DYNLT4: variants seen among roughly 807,000 people sequenced by gnomAD.
The protein encoded by DYNLT4 is Tctex1 domain containing 4.
DYNLT4 carries 3 observed loss-of-function variants against 1.5 expected under a neutral mutation model. The ratio of observed to expected loss-of-function variants is 1.97; its 90% CI spans 0.90 to 5.08. The LOEUF (loss-of-function observed/expected upper bound fraction) is 5.08, where lower values mean the gene tolerates loss of function less well. DYNLT4 is among the 30% of genes most tolerant of loss of function. The pLI, the probability that DYNLT4 is intolerant of heterozygous loss-of-function variation, is 0.02. For synonymous variants in DYNLT4, 181 were observed against 160.0 expected (o/e 1.13, Z -0.99); for missense variants, 346 against 341.0 (o/e 1.01, Z -0.12).
chr1:44,807,122 C>A (rs1177033111), intron 1 of DYNLT4: 2 of 985,266 alleles, frequency 2.0e-6, no homozygotes, highest in African/African-American at 3.5e-5. Context: ...TCCTTCCAGC[C>A]CTGGGGGTGT....
intron 1 of DYNLT4, 152 bp from the exon 2 acceptor site, chr1:44,806,990 C>T: frequency 1.0e-6 from 1 of 985,398 alleles, no homozygotes; most frequent in Non-Finnish European, 1.2e-6. Flanking sequence ...TGCCATTTCT[C>T]CCTTCCACCC....
rs1225645477 is a variant in DYNLT4 at position 44,805,998 on chromosome 1, C to T, written c.*5G>A. 1.3e-6 allele frequency: 2 copies of T among 1,535,332 alleles called. No individual in the cohort carries two copies. Among genetic ancestry groups the T allele is most frequent in the Non-Finnish European group, 1.8e-6 (2 of 1,139,024 alleles). ...ATAAACAATTTTGCAGAATTGGACT[C>T]CCCCTCACTCGCAGTAGAGCCCGTG... On this transcript the variant is annotated 3_prime_UTR_variant, in exon 3 of 3. Coordinates refer to ENST00000339355, the MANE Select transcript of DYNLT4 (RefSeq NM_001377534.1).
In DYNLT4 at chr1:44,806,357, CA is replaced by C; in HGVS notation, c.311del (p.Val104GlyfsTer154). The C allele has an allele frequency of 6.6e-7, 1 of 1,520,278 alleles. No homozygotes were observed. Among genetic ancestry groups the C allele is most frequent in the South Asian group, 1.2e-5 (1 of 82,266 alleles). 94.2% of individuals were successfully genotyped at this position (1,520,278 alleles called of 1,614,324 possible). A position where few individuals can be genotyped will look rare whatever the true frequency, so the allele number is the denominator to read the frequency against. On this transcript the variant is annotated frameshift_variant, in exon 3 of 3. Coordinates refer to ENST00000339355, the MANE Select transcript of DYNLT4 (RefSeq NM_001377534.1). LOFTEE classifies it low-confidence loss of function (END_TRUNC). ...CTGGCTCCGTGCGGTAGGAGGGCGC[CA>C]CCCAACGGGCGGGCGCCAGGGGCAA... ...SGLPLAPARW[V>X]APSYRTEPVP...
rs17885815 is a variant in DYNLT4, at chr1:44,806,156, T to C, written c.513A>G (p.Val171=). The C allele has an allele frequency of 0.17, 263,401 of 1,585,702 alleles. 22,211 individuals carry two copies. Among genetic ancestry groups the C allele is most frequent in the East Asian group, 0.19 (8,498 of 43,786 alleles). The change falls in exon 3 of 3, where the codon GTA becomes GTG. Residue 171 remains valine (V), a synonymous_variant. Coordinates refer to ENST00000339355, the MANE Select transcript of DYNLT4 (RefSeq NM_001377534.1). ...CGCGCGGCCCCAGCACCACACTGCA[T>C]ACCAGCTTGTAGCGTGGCGGGCTGA... ...RELSPPRYKL[V]CSVVLGPRAG...
chr1:44,806,194 G>GA lies in DYNLT4; in HGVS notation c.474dup (p.Arg159SerfsTer77), dbSNP rs767046797. 10 of 1,548,714 alleles carry GA rather than the reference G, an allele frequency of 6.5e-6. No individual in the cohort carries two copies. Among genetic ancestry groups the GA allele is most frequent in the Non-Finnish European group, 8.7e-7 (1 of 1,150,890 alleles). ...CGTGGCGGGCTGAGCTCGCGCAGGC[G>GA]AACGTGCACCTGCTCGCAGAGCTCC... On this transcript the variant is annotated frameshift_variant, in exon 3 of 3. Transcript: ENST00000339355. LOFTEE classifies it high-confidence loss of function.
rs1385155586 is a variant in DYNLT4, at chr1:44,806,769, C to G, written c.-12+15G>C. ...CAGTGATGTCAAGGGTTTTTACCTTCTACCCCCTTCTTACCTGTGTTTTAG... is the reference window on the plus strand; with the variant it reads ...CAGTGATGTCAAGGGTTTTTACCTTGTACCCCCTTCTTACCTGTGTTTTAG... On this transcript the variant is annotated intron_variant, in intron 2 of 2. Coordinates refer to ENST00000339355, the MANE Select transcript of DYNLT4 (RefSeq NM_001377534.1). 2.2e-6 allele frequency: 3 copies of G among 1,364,754 alleles called. No individual in the cohort carries two copies. Among genetic ancestry groups the G allele is most frequent in the Non-Finnish European group, 1.9e-6 (2 of 1,066,086 alleles). 84.5% of individuals were successfully genotyped at this position (1,364,754 alleles called of 1,614,324 possible).
In DYNLT4 at chr1:44,806,404, A is replaced by C; in HGVS notation, c.265T>G (p.Ser89Ala). The change falls in exon 3 of 3, where the codon TCA (serine) becomes GCA (alanine). Residue 89 changes from serine (S) to alanine (A), a missense_variant. Ser to Ala is a moderately conservative substitution (Grantham distance 99). Transcript: ENST00000339355. Reference protein sequence around the residue: ...PSLGPVPPLGSRVSFSGLPLA... With the variant: ...PSLGPVPPLGARVSFSGLPLA... ...GGCAACCCTGAGAAGCTGACCCTTG[A>C]GCCCAGAGGGGGCACCGGGCCCAGG... is the stretch of plus-strand genomic sequence containing the variant. The C allele has an allele frequency of 3.3e-6, 5 of 1,524,620 alleles. No individual in the cohort carries two copies. Among genetic ancestry groups the C allele is most frequent in the Non-Finnish European group, 4.4e-6 (5 of 1,141,936 alleles). 94.4% of individuals were successfully genotyped at this position (1,524,620 alleles called of 1,614,324 possible). A position where few individuals can be genotyped will look rare whatever the true frequency, so the allele number is the denominator to read the frequency against.
Position 44,805,978 on chromosome 1 carries a change from C to T in DYNLT4, c.*25G>A, listed in dbSNP as rs1242571865. On this transcript the variant is annotated 3_prime_UTR_variant, in exon 3 of 3. Transcript: ENST00000339355. ...GGGGGCCTCCTCCTAGGATAATAAA[C>T]AATTTTGCAGAATTGGACTCCCCCT... 3 of 1,520,816 alleles carry T rather than the reference C, an allele frequency of 2.0e-6. No individual in the cohort carries two copies. The highest frequency in any genetic ancestry group is 2.6e-6 in the Non-Finnish European group (3 of 1,133,426). 94.2% of individuals were successfully genotyped at this position (1,520,816 alleles called of 1,614,324 possible). A position where few individuals can be genotyped will look rare whatever the true frequency, so the allele number is the denominator to read the frequency against.
At position 44,806,005 on chromosome 1, in the gene DYNLT4, A is replaced by C. The variant is rs747797607; in HGVS notation, c.664T>G (p.Ter222GlyextTer25). ...VATVHGLYCE* is the reference protein window; with the variant it reads ...VATVHGLYCEG Reference sequence around the variant, plus strand: ...ATTTTGCAGAATTGGACTCCCCCTCACTCGCAGTAGAGCCCGTGGACCGTG... The same window carrying C: ...ATTTTGCAGAATTGGACTCCCCCTCCCTCGCAGTAGAGCCCGTGGACCGTG... The change falls in exon 3 of 3, where the codon TGA (stop) becomes GGA (glycine). Residue 222 changes from the stop codon to glycine (G), a stop_lost. Transcript: ENST00000339355. The C allele has an allele frequency of 6.5e-7, 1 of 1,540,598 alleles. No homozygotes were observed. The highest frequency in any genetic ancestry group is 1.2e-5 in the South Asian group (1 of 80,838).
rs762079372 is a variant in DYNLT4 at position 44,806,113 on chromosome 1, C to T, written c.556G>A (p.Val186Met). ...ACGTCCCAGAGCGCACGGCTGACCACGTGAACGCCCTGGCCCGCGCGCGGC... is the reference window on the plus strand; with the variant it reads ...ACGTCCCAGAGCGCACGGCTGACCATGTGAACGCCCTGGCCCGCGCGCGGC... ...LGPRAGQGVH[V>M]VSRALWDVAR... is the part of the protein sequence containing the mutation. The change falls in exon 3 of 3, where the codon GTG (valine) becomes ATG (methionine). Residue 186 changes from valine to methionine, a missense_variant. Transcript: ENST00000339355. The T allele has an allele frequency of 4.9e-5, 78 of 1,607,318 alleles. No individual in the cohort carries two copies. The highest frequency in any genetic ancestry group is 6.6e-5 in the Non-Finnish European group (78 of 1,177,600).
chr1:44,806,554 G>C lies in DYNLT4; in HGVS notation c.115C>G (p.Arg39Gly). The C allele has an allele frequency of 6.7e-7, 1 of 1,501,398 alleles. No homozygotes were observed. The highest frequency in any genetic ancestry group is 8.9e-7 in the Non-Finnish European group (1 of 1,129,006). 93.0% of individuals were successfully genotyped at this position (1,501,398 alleles called of 1,614,324 possible). Reference protein sequence around the residue: ...RGCLPSIDEARPAGPGPAPAS... With the variant: ...RGCLPSIDEAGPAGPGPAPAS... Reference sequence around the variant, plus strand: ...GGGGCTGGACCTGGACCTGCCGGTCGGGCCTCATCAATGCTGGGCAGGCAG... The same window carrying C: ...GGGGCTGGACCTGGACCTGCCGGTCCGGCCTCATCAATGCTGGGCAGGCAG... Residue 39 changes from arginine (R) to glycine (G), a missense_variant, in exon 3 of 3, where the codon CGA (arginine) becomes GGA (glycine). Arg to Gly is a moderately radical substitution (Grantham distance 125, BLOSUM62 -2). Transcript: ENST00000339355.
chr1:44,806,450 A>G lies in DYNLT4; in HGVS notation c.219T>C (p.Gly73=). 1 of 1,524,860 alleles carries G rather than the reference A, an allele frequency of 6.6e-7. No homozygotes were observed. The allele number at this position is 1,524,860 out of a possible 1,614,324, so 94.5% of individuals were successfully genotyped here. The change falls in exon 3 of 3, where the codon GGT becomes GGC. Residue 73 remains glycine (G), a synonymous_variant. Transcript: ENST00000339355. ...CCAGGGATGGCCGCTGACCCCCAGG[A>G]CCCGCGCCTGGCCCGACCAGCGAGT... ...RRNSLVGPGA[G]PGGQRPSLGP... is the part of the protein sequence containing the mutation.
Position 44,805,947 on chromosome 1 carries a change from C to A in DYNLT4, c.*56G>T. On this transcript the variant is annotated 3_prime_UTR_variant, in exon 3 of 3. Coordinates refer to ENST00000339355, the MANE Select transcript of DYNLT4 (RefSeq NM_001377534.1). ...AGACACTTATTTATTGGGATGTGAG[C>A]CCCAGGGGGGCCTCCTCCTAGGATA... The A allele has an allele frequency of 6.6e-7, 1 of 1,505,146 alleles. No individual in the cohort carries two copies. Among genetic ancestry groups the A allele is most frequent in the Non-Finnish European group, 8.9e-7 (1 of 1,127,160 alleles). The allele number at this position is 1,505,146 out of a possible 1,614,324, so 93.2% of individuals were successfully genotyped here. A position where few individuals can be genotyped will look rare whatever the true frequency, so the allele number is the denominator to read the frequency against.
rs1237378604 is a variant in DYNLT4 at position 44,806,170 on chromosome 1, G to C, written c.499C>G (p.Arg167Gly). 1.3e-6 allele frequency: 2 copies of C among 1,571,092 alleles called. No individual in the cohort carries two copies. Among genetic ancestry groups the C allele is most frequent in the African/African-American group, 1.3e-5 (1 of 74,360 alleles). ...ACCACACTGCATACCAGCTTGTAGC[G>C]TGGCGGGCTGAGCTCGCGCAGGCGA... ...HVRLRELSPP[R>G]YKLVCSVVLG... Residue 167 changes from arginine (R) to glycine (G), a missense_variant, in exon 3 of 3, where the codon CGC becomes GGC. By Grantham distance (125) the Arg-to-Gly change is moderately radical. Transcript: ENST00000339355.
In DYNLT4 at chr1:44,806,462, C is replaced by T; in HGVS notation, c.207G>A (p.Gly69=). The T allele has an allele frequency of 6.6e-7, 1 of 1,523,976 alleles. No homozygotes were observed. 94.4% of individuals were successfully genotyped at this position (1,523,976 alleles called of 1,614,324 possible). Residue 69 remains glycine, a synonymous_variant, in exon 3 of 3, where the codon GGG becomes GGA. Coordinates refer to ENST00000339355, the MANE Select transcript of DYNLT4 (RefSeq NM_001377534.1). ...GCTGACCCCCAGGACCCGCGCCTGG[C>T]CCGACCAGCGAGTTGCGGCGGGAGA... ...ASFSRRNSLV[G]PGAGPGGQRP...
rs950805644 is a variant in DYNLT4, at chr1:44,807,169, G to A, written c.-67+156C>T. On this transcript the variant is annotated intron_variant, in intron 1 of 2. Coordinates refer to ENST00000339355, the MANE Select transcript of DYNLT4 (RefSeq NM_001377534.1). ...ATCTTCCACCCAGATCTACTCTAGG[G>A]TGGCTGGCACAAAGATCTCCCCTAC... 5 of 983,794 alleles carry A rather than the reference G, an allele frequency of 5.1e-6. No individual in the cohort carries two copies. The African/African-American group carries it at 8.7e-5, about 17-fold the overall frequency. 60.9% of individuals were successfully genotyped at this position (983,794 alleles called of 1,614,324 possible).
rs908818037 is a variant in DYNLT4 at position 44,806,523 on chromosome 1, G to A, written c.146C>T (p.Ser49Leu). Reference protein sequence around the residue: ...RPAGPGPAPASRRGSMLGLAA... With the variant: ...RPAGPGPAPALRRGSMLGLAA... ...CAGGCCCAGCATGGAGCCCCGGCGCGAGGCCGGGGCTGGACCTGGACCTGC... is the reference window on the plus strand; with the variant it reads ...CAGGCCCAGCATGGAGCCCCGGCGCAAGGCCGGGGCTGGACCTGGACCTGC... The change falls in exon 3 of 3, where the codon TCG (serine) becomes TTG (leucine). Residue 49 changes from serine to leucine, a missense_variant. By Grantham distance (145) the Ser-to-Leu change is moderately radical (BLOSUM62 -2). Coordinates refer to ENST00000339355, the MANE Select transcript of DYNLT4 (RefSeq NM_001377534.1). 2.7e-6 allele frequency: 4 copies of A among 1,496,820 alleles called. No homozygotes were observed. The highest frequency in any genetic ancestry group is 2.6e-5 in the East Asian group (1 of 38,646). The allele number at this position is 1,496,820 out of a possible 1,614,324, so 92.7% of individuals were successfully genotyped here. A position where few individuals can be genotyped will look rare whatever the true frequency, so the allele number is the denominator to read the frequency against.
At chr1:44,806,918 C>T (rs1652137780) in intron 1 of DYNLT4, 80 bp from the exon 2 acceptor site, 43 of 985,380 alleles carry the variant, frequency 4.4e-5, no homozygotes, top group Non-Finnish European at 5.1e-5. Context: ...TAGTCCTTGC[C>T]GACTGAGCTC....
chr1:44,806,591 C>A lies in DYNLT4; in HGVS notation c.78G>T (p.Val26=). The part of the protein sequence containing the change: ...AKDSGRKPSP[V]RPRGCLPSID... Reference sequence around the variant, plus strand: ...TGCTGGGCAGGCAGCCTCGGGGCCGCACCGGTGAGGGTTTCCGCCCGGAGT... The same window carrying A: ...TGCTGGGCAGGCAGCCTCGGGGCCGAACCGGTGAGGGTTTCCGCCCGGAGT... The change falls in exon 3 of 3, where the codon GTG becomes GTT. Residue 26 remains valine, a synonymous_variant. Coordinates refer to ENST00000339355, the MANE Select transcript of DYNLT4 (RefSeq NM_001377534.1). The A allele has an allele frequency of 6.7e-7, 1 of 1,489,336 alleles. No homozygotes were observed. Among genetic ancestry groups the A allele is most frequent in the Non-Finnish European group, 8.9e-7 (1 of 1,122,510 alleles). The allele number at this position is 1,489,336 out of a possible 1,614,324, so 92.3% of individuals were successfully genotyped here.
Sources: gnomAD v4.1 joint callset for allele counts on GRCh38, gnomAD v4.1.1 for gene constraint, MANE v1.5 for transcripts, NCBI Gene and HGNC (gene_info 2026-07-23, HGNC 2026-07-21) for gene names.